Variants in TMEM163 observed in about 807,000 individuals in gnomAD.
TMEM163 encodes transmembrane protein 163.
Under a neutral mutation model 29.3 loss-of-function variants are expected in TMEM163, and 17 were observed. That is an observed-to-expected ratio of 0.58 (90% CI 0.40 to 0.87). TMEM163 has a LOEUF of 0.87. Ranked by LOEUF, TMEM163 falls within the 40% of genes least tolerant of loss-of-function variation. The probability of loss-of-function intolerance (pLI) is 0.00; values close to 1 mark genes in which losing one functional copy is unlikely to be tolerated. For synonymous variants in TMEM163, 157 were observed against 160.6 expected, an observed-to-expected ratio of 0.98 and a Z score of 0.17; for missense variants, 303 against 381.5, an observed-to-expected ratio of 0.79 and a Z score of 1.71.
At chr2:134,572,917 C>G (rs909126095) in intron 2 of TMEM163, among the ~76,000 whole-genome samples, 7 of 152,200 alleles carry the variant, frequency 4.6e-5, no homozygotes, top group African/African-American at 1.7e-4. Context: ...TACGCATCCT[C>G]TTTTAAATAT....
At chr2:134,681,014 A>T (rs1054886050) in intron 2 of TMEM163, among the ~76,000 whole-genome samples, 3 of 152,192 alleles carry the variant, frequency 2.0e-5, no homozygotes, top group African/African-American at 7.2e-5. Flanking sequence ...ATAATCCAGG[A>T]TGGAGCCGCC....
At chr2:134,515,692 A>T (rs1680042490) in intron 4 of TMEM163, among the ~76,000 whole-genome samples, 1 of 152,176 alleles carries the variant, frequency 6.6e-6, no homozygotes. Flanking sequence ...TTTTTTTGTT[A>T]AAGATAAATG....
intron 6 of TMEM163, 47 bp from the exon 7 acceptor site, chr2:134,458,220 A>C: frequency 6.2e-7 from 1 of 1,607,888 alleles, no homozygotes; most frequent in Non-Finnish European, 8.5e-7. Flanking sequence ...CAAGCAATCC[A>C]AGAAAATCAC....
intron 2 of TMEM163, among the ~76,000 whole-genome samples, chr2:134,656,413 C>G (rs1034065900): frequency 2.0e-5 from 3 of 151,518 alleles, no homozygotes; most frequent in Non-Finnish European, 2.9e-5. Flanking sequence ...GGCTCGCGCA[C>G]GGTGCACGCA....
At position 134,557,697 on chromosome 2, in the gene TMEM163, C is replaced by T. The variant is rs529658399; in HGVS notation, c.323-5606G>A. ...AGAGGAACAGTCACTTACACCTTTG[C>T]CCAGCTTGGTGAAACAACAGGGCAG... On this transcript the variant is annotated intron_variant, in intron 2 of 7. Coordinates refer to ENST00000281924, the MANE Select transcript of TMEM163 (RefSeq NM_030923.5). Among the ~76,000 whole-genome samples, 3 of 152,240 alleles carry T rather than the reference C, an allele frequency of 2.0e-5. No individual in the cohort carries two copies. In the South Asian group the frequency reaches 6.2e-4, roughly 32 times the overall value.
chr2:134,534,263 C>G (rs1680479351), intron 4 of TMEM163, among the ~76,000 whole-genome samples: 1 of 109,694 alleles, frequency 9.1e-6, no homozygotes, highest in Admixed American at 1.3e-4. Flanking sequence ...ATTGATAAAA[C>G]TGGACTTTTT....
chr2:134,577,801 G>A (rs567443316), intron 2 of TMEM163, among the ~76,000 whole-genome samples: 2 of 149,160 alleles, frequency 1.3e-5, no homozygotes, highest in East Asian at 1.9e-4. Flanking sequence ...ACCATAGATC[G>A]AAAACATGTG....
intron 2 of TMEM163, among the ~76,000 whole-genome samples, chr2:134,620,941 C>T (rs1558967231): frequency 6.6e-6 from 1 of 152,128 alleles, no homozygotes; most frequent in Non-Finnish European, 1.5e-5. Context: ...CTAGACGCAA[C>T]ACCAAAAACA....
At chr2:134,519,327 G>A (rs1017095584) in intron 4 of TMEM163, among the ~76,000 whole-genome samples, 12 of 152,134 alleles carry the variant, frequency 7.9e-5, no homozygotes, top group African/African-American at 2.7e-4. Context: ...AGCTCCATAC[G>A]AGGCAGCCTT....
chr2:134,462,874 C>T (rs538719800), intron 6 of TMEM163, among the ~76,000 whole-genome samples: 1 of 152,334 alleles, frequency 6.6e-6, no homozygotes, highest in East Asian at 1.9e-4. Context: ...GGGACTCTTG[C>T]TGGGGCTCTG....
chr2:134,679,790 TTCG>T (rs1231439239), intron 2 of TMEM163, among the ~76,000 whole-genome samples: 1 of 152,054 alleles, frequency 6.6e-6, no homozygotes, highest in African/African-American at 2.4e-5. Context: ...ATCCCAGACC[TTCG>T]TCGCCAGCTC....
At chr2:134,545,660 A>T (rs567363872) in intron 4 of TMEM163, among the ~76,000 whole-genome samples, 2 of 151,958 alleles carry the variant, frequency 1.3e-5, no homozygotes, top group Non-Finnish European at 2.9e-5. Flanking sequence ...GGTAACTTAA[A>T]TCTCAAATGG....
chr2:134,712,421 T>C (rs137912597), intron 2 of TMEM163, among the ~76,000 whole-genome samples: 196 of 151,492 alleles, frequency 1.3e-3, no homozygotes, highest in African/African-American at 4.5e-3. Flanking sequence ...ATCTTTCTGT[T>C]AGGTAATAAA....
At chr2:134,649,740 C>A (rs6724866) in intron 2 of TMEM163, among the ~76,000 whole-genome samples, 75,713 of 151,762 alleles carry the variant, frequency 0.5, 19,634 homozygotes, top group Non-Finnish European at 0.56. Flanking sequence ...ATAGGCTGAG[C>A]ATGGTGACTC....
chr2:134,621,943 G>A (rs1682747065), intron 2 of TMEM163, among the ~76,000 whole-genome samples: 1 of 151,950 alleles, frequency 6.6e-6, no homozygotes, highest in African/African-American at 2.4e-5. Flanking sequence ...TGGTATATCT[G>A]CACAATGGAG....
At chr2:134,559,168 G>A (rs985083850) in intron 2 of TMEM163, among the ~76,000 whole-genome samples, 116 of 152,078 alleles carry the variant, frequency 7.6e-4, no homozygotes, top group African/African-American at 2.8e-3. Flanking sequence ...GTTCAGATGA[G>A]GCATGTGCTC....
chr2:134,499,052 G>A (rs771606582), intron 5 of TMEM163, among the ~76,000 whole-genome samples: 1 of 152,196 alleles, frequency 6.6e-6, no homozygotes, highest in Admixed American at 6.5e-5. Flanking sequence ...AAAGCCAGGC[G>A]TGGCTGGTGG....
At chr2:134,593,804 T>C (rs1264339394) in intron 2 of TMEM163, among the ~76,000 whole-genome samples, 1 of 146,050 alleles carries the variant, frequency 6.8e-6, no homozygotes, top group African/African-American at 2.7e-5. Flanking sequence ...ACACTGACTC[T>C]GGGAATTTTT....
intron 5 of TMEM163, chr2:134,467,791 GGCT>G (rs1305822135): frequency 1.3e-5 from 2 of 152,222 alleles, no homozygotes; most frequent in African/African-American, 4.8e-5. Flanking sequence ...AATTTGCCGT[GGCT>G]GTGTGCGATG....
Sources: gnomAD v4.1 joint callset for allele counts (sites outside exome capture counted in the v4.1 genomes callset) on GRCh38, gnomAD v4.1.1 for gene constraint, MANE v1.5 for transcripts, NCBI Gene and HGNC (gene_info 2026-07-23, HGNC 2026-07-21) for gene names.